Variants in TTC39B observed in about 807,000 individuals in gnomAD.
TTC39B encodes the protein tetratricopeptide repeat protein 39B.
A neutral mutation model predicts 96.6 loss-of-function variants in TTC39B; 92 were observed. The observed-to-expected ratio is 0.95, with a 90% CI of 0.80 to 1.13. The LOEUF (loss-of-function observed/expected upper bound fraction) is 1.13, where lower values mean the gene tolerates loss of function less well. Among genes scored for constraint, TTC39B ranks in the 50% most tolerant of loss-of-function variants. TTC39B has a pLI of 0.00. For synonymous variants in TTC39B, 367 were observed against 299.4 expected (o/e 1.23, Z -2.33); for missense variants, 955 against 809.3 (o/e 1.18, Z -2.18).
intron 3 of TTC39B, among the ~76,000 whole-genome samples, chr9:15,218,633 T>A (rs796862648): frequency 0.024 from 3,169 of 133,150 alleles, 92 homozygotes; most frequent in African/African-American, 0.094. Flanking sequence ...TAGTCTATTT[T>A]AAATATATAT....
At chr9:15,219,785 G>T (rs1820739746) in intron 3 of TTC39B, among the ~76,000 whole-genome samples, 1 of 152,206 alleles carries the variant, frequency 6.6e-6, no homozygotes, top group African/African-American at 2.4e-5. Context: ...TACAGGGAAA[G>T]AGGGTGCAGA....
At chr9:15,270,360 T>A (rs1823297958) in intron 1 of TTC39B, among the ~76,000 whole-genome samples, 2 of 152,100 alleles carry the variant, frequency 1.3e-5, no homozygotes, top group African/African-American at 4.8e-5. Context: ...CTCACTATGA[T>A]AAGCCCAGCT....
rs1161175672 is a variant in TTC39B at position 15,281,625 on chromosome 9, C to CAAAAAAAAAAAA, written c.241-13689_241-13678dup. ...CCTACCAACATCCCCCCTGCAACAGCAAAAAAAAAAAAAAAAAAAAAAAAA... is the reference window on the plus strand; with the variant it reads ...CCTACCAACATCCCCCCTGCAACAGCAAAAAAAAAAAAAAAAAAAAAAAAAAAAAAAAAAAAA... On this transcript the variant is annotated intron_variant, in intron 1 of 19. Transcript: ENST00000512701. Among the ~76,000 whole-genome samples, 108 of 48,982 alleles carry CAAAAAAAAAAAA rather than the reference C, an allele frequency of 2.2e-3. 2 individuals are homozygous for CAAAAAAAAAAAA. The highest frequency in any genetic ancestry group is 9.0e-3 in the African/African-American group (94 of 10,492). The allele number at this position is 48,982 out of a possible 152,430, so 32.1% of individuals were successfully genotyped here. A position where few individuals can be genotyped will look rare whatever the true frequency, so the allele number is the denominator to read the frequency against.
chr9:15,192,589 C>T lies in TTC39B; in HGVS notation c.930+1G>A. 6.2e-7 allele frequency: 1 copy of T among 1,611,864 alleles called. No homozygotes were observed. The highest frequency in any genetic ancestry group is 8.5e-7 in the Non-Finnish European group (1 of 1,178,222). ...TGGTTTCTATACAGTGATTTCCTTA[C>T]CAAATTAAAGGCCCCACTGCCAAGC... On this transcript the variant is annotated splice_donor_variant, in intron 9 of 19. Coordinates refer to ENST00000512701, the Ensembl canonical transcript of TTC39B. LOFTEE classifies it high-confidence loss of function.
At chr9:15,252,516 C>T (rs948096675) in intron 2 of TTC39B, among the ~76,000 whole-genome samples, 4 of 152,102 alleles carry the variant, frequency 2.6e-5, no homozygotes, top group Non-Finnish European at 5.9e-5. Flanking sequence ...GCCGTGGTGG[C>T]TTATGCCTGT....
intron 1 of TTC39B, among the ~76,000 whole-genome samples, chr9:15,293,480 T>C (rs1455351186): frequency 6.6e-6 from 1 of 152,080 alleles, no homozygotes; most frequent in Non-Finnish European, 1.5e-5. Flanking sequence ...TTTAGGAAAT[T>C]GGGCATGAGA....
chr9:15,296,177 T>C (rs1824368625), intron 1 of TTC39B, among the ~76,000 whole-genome samples: 1 of 152,220 alleles, frequency 6.6e-6, no homozygotes, highest in African/African-American at 2.4e-5. Flanking sequence ...TGACTGGTCC[T>C]GCTGCCCACA....
chr9:15,284,741 G>A (rs889672355), intron 1 of TTC39B, among the ~76,000 whole-genome samples: 11 of 152,100 alleles, frequency 7.2e-5, no homozygotes, highest in African/African-American at 2.7e-4. Flanking sequence ...AGGAGAGGAA[G>A]GGAGGGAATA....
intron 2 of TTC39B, among the ~76,000 whole-genome samples, chr9:15,255,935 C>T (rs1822734685): frequency 6.6e-6 from 1 of 152,108 alleles, no homozygotes. Context: ...ATGGTGGCTA[C>T]ATTTTTTTCT....
At chr9:15,200,542 T>C (rs1006242661) in intron 7 of TTC39B, among the ~76,000 whole-genome samples, 1 of 152,248 alleles carries the variant, frequency 6.6e-6, no homozygotes, top group Non-Finnish European at 1.5e-5. Flanking sequence ...TTGAGGCTGT[T>C]GGCCTAGATG....
intron 3 of TTC39B, among the ~76,000 whole-genome samples, chr9:15,217,002 A>C (rs1169379036): frequency 6.6e-6 from 1 of 152,164 alleles, no homozygotes; most frequent in African/African-American, 2.4e-5. Context: ...CTCTCCAAAA[A>C]GGTGACATCC....
intron 1 of TTC39B, among the ~76,000 whole-genome samples, chr9:15,280,952 G>C (rs1644120126): frequency 6.6e-6 from 1 of 152,064 alleles, no homozygotes; most frequent in Non-Finnish European, 1.5e-5. Flanking sequence ...TTTGTGTGTT[G>C]AAAAGATGAA....
intron 6 of TTC39B, among the ~76,000 whole-genome samples, chr9:15,207,814 C>T (rs1351497643): frequency 6.6e-6 from 1 of 151,142 alleles, no homozygotes; most frequent in African/African-American, 2.4e-5. Flanking sequence ...GAAACCCCGT[C>T]TCTACTAAAA....
At chr9:15,269,259 C>T (rs1823246852) in intron 1 of TTC39B, among the ~76,000 whole-genome samples, 1 of 152,174 alleles carries the variant, frequency 6.6e-6, no homozygotes, top group Non-Finnish European at 1.5e-5. Context: ...AATGATCTTC[C>T]TTGTTTACTT....
At chr9:15,202,377 G>C (rs1424424565) in intron 7 of TTC39B, among the ~76,000 whole-genome samples, 1 of 152,100 alleles carries the variant, frequency 6.6e-6, no homozygotes, top group Non-Finnish European at 1.5e-5. Flanking sequence ...CAACCCAAGA[G>C]GTAAACCTCC....
intron 3 of TTC39B, among the ~76,000 whole-genome samples, chr9:15,222,837 G>A (rs959114669): frequency 6.6e-5 from 10 of 152,206 alleles, no homozygotes; most frequent in African/African-American, 2.4e-4. Flanking sequence ...TTCTCTTAGA[G>A]ACTGTAAATT....
At chr9:15,245,487 G>A (rs564264927) in intron 2 of TTC39B, among the ~76,000 whole-genome samples, 8 of 152,160 alleles carry the variant, frequency 5.3e-5, no homozygotes, top group African/African-American at 1.9e-4. Context: ...TGCTATACAG[G>A]GATGCTATTA....
At chr9:15,164,029 T>G (rs1261742309) in exon 20 of TTC39B, 1 of 152,212 alleles carries the variant, frequency 6.6e-6, no homozygotes, top group Non-Finnish European at 1.5e-5. Context: ...AGTTTTCTTC[T>G]TTTTTCTTGA....
At chr9:15,179,514 G>A (rs754230237) in intron 17 of TTC39B, among the ~76,000 whole-genome samples, 2 of 152,084 alleles carry the variant, frequency 1.3e-5, no homozygotes, top group African/African-American at 2.4e-5. Flanking sequence ...AGAAAACCAC[G>A]GGTATCAATA....
Sources: allele counts gnomAD v4.1 joint callset (sites outside exome capture counted in the v4.1 genomes callset), GRCh38; gene constraint gnomAD v4.1.1; transcripts MANE v1.5; gene names NCBI Gene and HGNC (gene_info 2026-07-23, HGNC 2026-07-21).